The following VPS53 variants were observed in gnomAD, a reference collection of about 807,000 sequenced individuals.
VPS53 encodes VPS53 subunit of GARP complex, also known as vacuolar protein sorting-associated protein 53 homolog.
In VPS53, 70 loss-of-function variants were observed where a neutral mutation model predicts 107.0. The observed-to-expected ratio is 0.65, with a 90% CI of 0.54 to 0.80. The LOEUF is 0.80. Ranked by LOEUF, VPS53 falls within the 30% of genes least tolerant of loss-of-function variation. The pLI, the probability that VPS53 is intolerant of heterozygous loss-of-function variation, is 0.00. For synonymous variants in VPS53, 409 were observed against 393.3 expected (o/e 1.04, Z -0.47); for missense variants, 917 against 1,049.4 (o/e 0.87, Z 1.74).
chr17:591,122 G>A (rs1000775386), intron 12 of VPS53, among the ~76,000 whole-genome samples: 1,636 of 152,008 alleles, frequency 0.011, 34 homozygotes, highest in African/African-American at 0.037. Flanking sequence ...TGTATGTGTC[G>A]AGGAATTTAT....
intron 11 of VPS53, among the ~76,000 whole-genome samples, chr17:617,677 G>A (rs1244318559): frequency 1.4e-5 from 2 of 147,786 alleles, no homozygotes; most frequent in Admixed American, 6.7e-5. Context: ...AATATTTCCC[G>A]GGTAGCTGGG....
chr17:553,653 C>T (rs888015992), intron 15 of VPS53, among the ~76,000 whole-genome samples, 191 bp from the exon 16 acceptor site: 1 of 149,860 alleles, frequency 6.7e-6, no homozygotes, highest in Non-Finnish European at 1.5e-5. Flanking sequence ...TCACTGCATC[C>T]TCTGCCTCCT....
At position 623,648 on chromosome 17, in the gene VPS53, G is replaced by A. The variant is rs745939346; in HGVS notation, c.1001C>T (p.Thr334Ile). ...TRAELAKIMR[T>I]RAKEIEVKLL... ...TTTCACTTCAATTTCCTTCGCTCTG[G>A]TACGCATAATCTTGGCAAGTTCTGC... Residue 334 changes from threonine (T) to isoleucine (I), a missense_variant, in exon 11 of 22, where the codon ACC (threonine) becomes ATC (isoleucine). By Grantham distance (89) the Thr-to-Ile change is moderately conservative. Coordinates refer to ENST00000437048, the MANE Select transcript of VPS53 (RefSeq NM_001128159.3). The A allele has an allele frequency of 6.2e-7, 1 of 1,613,394 alleles. No homozygotes were observed. The highest frequency in any genetic ancestry group is 1.1e-5 in the South Asian group (1 of 91,038).
chr17:587,833 A>G lies in VPS53; in HGVS notation c.1219-1469T>C, dbSNP rs1023819822. Among the ~76,000 whole-genome samples the G allele has an allele frequency of 7.2e-5, 11 of 152,108 alleles. No homozygotes were observed. The East Asian group carries it at 2.1e-3, about 29-fold the overall frequency. Reference sequence around the variant, plus strand: ...TGTTAAATTGAACTACTCATATCTTATTTTTTAAAAACCCACTTTATTGAG... The same window carrying G: ...TGTTAAATTGAACTACTCATATCTTGTTTTTTAAAAACCCACTTTATTGAG... On this transcript the variant is annotated intron_variant, in intron 12 of 21. Coordinates refer to ENST00000437048, the MANE Select transcript of VPS53 (RefSeq NM_001128159.3).
chr17:713,766 G>A (rs935295197), intron 1 of VPS53, among the ~76,000 whole-genome samples: 6 of 152,078 alleles, frequency 3.9e-5, no homozygotes, highest in Non-Finnish European at 5.9e-5. Flanking sequence ...AGGGCCGCGC[G>A]TGGTGGCTCA....
At chr17:577,922 A>C (rs533736308) in intron 13 of VPS53, among the ~76,000 whole-genome samples, 1 of 145,268 alleles carries the variant, frequency 6.9e-6, no homozygotes. Flanking sequence ...TGCGTTCCCA[A>C]AGATCCTCCC....
intron 17 of VPS53, among the ~76,000 whole-genome samples, chr17:546,329 T>TCACACACACACACACA (rs71371545): frequency 3.8e-5 from 5 of 131,976 alleles, no homozygotes; most frequent in Non-Finnish European, 6.4e-5. Context: ...CTTAGATATC[T>TCACACACACACACACA]CACACACACA....
At chr17:546,329 T>TCTCACACA (rs1555549994) in intron 17 of VPS53, among the ~76,000 whole-genome samples, 155 of 131,976 alleles carry the variant, frequency 1.2e-3, no homozygotes, top group Non-Finnish European at 1.6e-3. Context: ...CTTAGATATC[T>TCTCACACA]CACACACACA....
chr17:689,154 T>C (rs1349430680), intron 4 of VPS53, among the ~76,000 whole-genome samples: 2 of 152,198 alleles, frequency 1.3e-5, no homozygotes, highest in East Asian at 1.9e-4. Flanking sequence ...TGGGCTTCAT[T>C]TTCCTCCCAA....
At chr17:639,066 G>C (rs192587803) in intron 7 of VPS53, among the ~76,000 whole-genome samples, 1 of 152,292 alleles carries the variant, frequency 6.6e-6, no homozygotes, top group East Asian at 1.9e-4. Context: ...ATAAGACGTA[G>C]ATTTGGTCTT....
At chr17:684,155 C>T (rs1055134999) in intron 4 of VPS53, among the ~76,000 whole-genome samples, 2 of 152,302 alleles carry the variant, frequency 1.3e-5, no homozygotes, top group African/African-American at 2.4e-5. Flanking sequence ...AAGCAAGATG[C>T]TAGATTTAAA....
intron 2 of VPS53, 73 bp from the exon 3 acceptor site, chr17:699,453 T>C: frequency 8.0e-7 from 1 of 1,254,888 alleles, no homozygotes; most frequent in Non-Finnish European, 1.1e-6. Context: ...GAAAATGATG[T>C]GCTATAATAG....
intron 11 of VPS53, among the ~76,000 whole-genome samples, chr17:618,367 A>T (rs8076722): frequency 9.9e-6 from 1 of 100,694 alleles, no homozygotes; most frequent in African/African-American, 3.3e-5. Context: ...CGCCCCACTA[A>T]TATTTCCCGG....
chr17:637,462 T>C (rs1970245592), intron 7 of VPS53, among the ~76,000 whole-genome samples: 1 of 152,230 alleles, frequency 6.6e-6, no homozygotes, highest in South Asian at 2.1e-4. Flanking sequence ...TTCTGCGAGC[T>C]TTTGAATGTG....
intron 11 of VPS53, among the ~76,000 whole-genome samples, chr17:604,764 TG>T (rs770489773): frequency 4.6e-5 from 7 of 152,088 alleles, no homozygotes; most frequent in Non-Finnish European, 1.0e-4. Flanking sequence ...TGAGGGGAGT[TG>T]TGGACATCAA....
chr17:680,884 C>G (rs148073240), intron 4 of VPS53, among the ~76,000 whole-genome samples: 2 of 152,282 alleles, frequency 1.3e-5, no homozygotes, highest in Admixed American at 6.5e-5. Context: ...AAGAGCATTT[C>G]TAAAACTTTT....
At chr17:561,284 A>G (rs990373435) in intron 14 of VPS53, among the ~76,000 whole-genome samples, 3 of 152,206 alleles carry the variant, frequency 2.0e-5, no homozygotes, top group African/African-American at 7.2e-5. Flanking sequence ...AGTGAGTTCT[A>G]TGGTAGTAAC....
chr17:567,874 G>C (rs1812618505), intron 13 of VPS53, among the ~76,000 whole-genome samples: 1 of 143,488 alleles, frequency 7.0e-6, no homozygotes, highest in Non-Finnish European at 1.5e-5. Flanking sequence ...GGACAACAGA[G>C]CAAGACATTG....
chr17:601,240 A>G (rs1597367300), intron 12 of VPS53, among the ~76,000 whole-genome samples: 1 of 152,364 alleles, frequency 6.6e-6, no homozygotes, highest in African/African-American at 2.4e-5. Context: ...GGATGAAGGG[A>G]GAGGAAATTT....
Sources: gnomAD v4.1 joint callset for allele counts (sites outside exome capture counted in the v4.1 genomes callset) on GRCh38, gnomAD v4.1.1 for gene constraint, MANE v1.5 for transcripts, NCBI Gene and HGNC (gene_info 2026-07-23, HGNC 2026-07-21) for gene names.